KLHL33: variants seen among roughly 807,000 people sequenced by gnomAD.
KLHL33 encodes kelch-like protein 33.
A neutral mutation model predicts 60.8 loss-of-function variants in KLHL33; 46 were observed. The ratio of observed to expected loss-of-function variants is 0.76; its 90% confidence interval spans 0.60 to 0.97. The LOEUF (loss-of-function observed/expected upper bound fraction) is 0.97, where lower values mean the gene tolerates loss of function less well. Ranked by LOEUF, KLHL33 falls within the 50% of genes least tolerant of loss-of-function variation. KLHL33 has a pLI of 0.00. For missense variants in KLHL33, 1,055 were observed against 1,000.0 expected (o/e 1.05, Z -0.74); for synonymous variants, 434 against 432.2 (o/e 1.00, Z -0.05).
At position 20,430,681 on chromosome 14, in the gene KLHL33, C is replaced by G. The variant is rs373107016; in HGVS notation, c.787G>C (p.Gly263Arg). 2.0e-6 allele frequency: 3 copies of G among 1,532,380 alleles called. No homozygotes were observed. The highest frequency in any genetic ancestry group is 2.6e-6 in the Non-Finnish European group (3 of 1,145,098). 94.9% of individuals were successfully genotyped at this position (1,532,380 alleles called of 1,614,324 possible). ...CTCATCCCGCTCAGGAGCATGGCCC[C>G]AAAGAACTCACTGCCACAGGCCAGG... ...AALACGSEFFGAMLLSGMRES... is the reference protein window; with the variant it reads ...AALACGSEFFRAMLLSGMRES... The change falls in exon 3 of 5, where the codon GGG becomes CGG. Residue 263 changes from glycine to arginine, a missense_variant. Transcript: ENST00000636854.
At chr14:20,431,556 C>T (rs981381062) in intron 2 of KLHL33, among the ~76,000 whole-genome samples, 1 of 152,130 alleles carries the variant, frequency 6.6e-6, no homozygotes, top group Non-Finnish European at 1.5e-5. Context: ...GGTGAAACTC[C>T]ATCTCTACCA....
rs778788630 is a variant in KLHL33, at chr14:20,430,706, G to A, written c.762C>T (p.Ala254=). The A allele has an allele frequency of 1.3e-6, 2 of 1,521,260 alleles. No homozygotes were observed. Among genetic ancestry groups the A allele is most frequent in the South Asian group, 1.2e-5 (1 of 81,954 alleles). The allele number at this position is 1,521,260 out of a possible 1,614,324, so 94.2% of individuals were successfully genotyped here. ...CAAAGAACTCACTGCCACAGGCCAG[G>A]GCGGCTCGGTGCACTGCAGGAGGGG... The part of the protein sequence containing the change: ...GGCQLSVHRA[A]LACGSEFFGA... The change falls in exon 3 of 5, where the codon GCC becomes GCT. Residue 254 remains alanine, a synonymous_variant. Coordinates refer to ENST00000636854, the MANE Select transcript of KLHL33 (RefSeq NM_001365790.2).
chr14:20,430,795 C>CTAAGTTTGGCCAAACTCT, intron 2 of KLHL33, 76 bp from the exon 3 acceptor site: 1 of 885,192 alleles, frequency 1.1e-6, no homozygotes, highest in South Asian at 2.2e-5. Flanking sequence ...ACTTGGTACT[C>CTAAGTTTGGCCAAACTCT]TAAGTTTGGC....
At chr14:20,431,318 C>T (rs934443318) in intron 2 of KLHL33, among the ~76,000 whole-genome samples, 2 of 152,174 alleles carry the variant, frequency 1.3e-5, no homozygotes, top group Non-Finnish European at 2.9e-5. Context: ...TAATGTTTTC[C>T]GTGCGTCCCA....
Position 20,426,668 on chromosome 14 carries a change from C to T in KLHL33, c.*2181G>A, listed in dbSNP as rs1314629618. ...AACTAGAAATACCATTTGACCCAGC[C>T]ATCCCATTACTGGGTATATGCCCAA... is the stretch of plus-strand genomic sequence containing the variant. On this transcript the variant is annotated 3_prime_UTR_variant, in exon 5 of 5. Coordinates refer to ENST00000636854, the MANE Select transcript of KLHL33 (RefSeq NM_001365790.2). 1.3e-5 allele frequency: 2 copies of T among 151,998 alleles called. No homozygotes were observed. The highest frequency in any genetic ancestry group is 3.9e-4 in the East Asian group (2 of 5,192). The allele number at this position is 151,998 out of a possible 1,614,324, so 9.4% of individuals were successfully genotyped here.
Position 20,430,191 on chromosome 14 carries a change from A to T in KLHL33, c.1277T>A (p.Val426Asp). 6.4e-7 allele frequency: 1 copy of T among 1,551,544 alleles called. No homozygotes were observed. Among genetic ancestry groups the T allele is most frequent in the Non-Finnish European group, 8.7e-7 (1 of 1,146,998 alleles). ...ESEAKALLRCVRFGRMSTREL... is the reference protein window; with the variant it reads ...ESEAKALLRCDRFGRMSTREL... Reference sequence around the variant, plus strand: ...CCTGGTGGACATGCGGCCAAAGCGGACACATCGCAGCAGGGCCTTGGCCTC... The same window carrying T: ...CCTGGTGGACATGCGGCCAAAGCGGTCACATCGCAGCAGGGCCTTGGCCTC... The change falls in exon 3 of 5, where the codon GTC becomes GAC. Residue 426 changes from valine to aspartate, a missense_variant. Transcript: ENST00000636854.
At chr14:20,430,907 G>A (rs1880493574) in intron 2 of KLHL33, among the ~76,000 whole-genome samples, 188 bp from the exon 3 acceptor site, 1 of 152,180 alleles carries the variant, frequency 6.6e-6, no homozygotes. Context: ...GGTTTCAGCA[G>A]TCCACTCCCA....
At chr14:20,432,553 C>G (rs938818620) in intron 2 of KLHL33, among the ~76,000 whole-genome samples, 2 of 151,462 alleles carry the variant, frequency 1.3e-5, no homozygotes, top group African/African-American at 4.9e-5. Context: ...TTGATTAATT[C>G]CTGGGTTGAA....
rs1286461933 is a variant in KLHL33 at position 20,430,198 on chromosome 14, G to C, written c.1270C>G (p.Arg424Gly). 6.4e-7 allele frequency: 1 copy of C among 1,551,538 alleles called. No homozygotes were observed. The highest frequency in any genetic ancestry group is 2.4e-5 in the East Asian group (1 of 40,906). ...TQESEAKALL[R>G]CVRFGRMSTR... ...GACATGCGGCCAAAGCGGACACATC[G>C]CAGCAGGGCCTTGGCCTCTGACTCC... The change falls in exon 3 of 5, where the codon CGA becomes GGA. Residue 424 changes from arginine to glycine, a missense_variant. Transcript: ENST00000636854.
Position 20,435,116 on chromosome 14 carries a change from T to C in KLHL33, c.696A>G (p.Arg232=). The C allele has an allele frequency of 8.1e-7, 1 of 1,234,420 alleles. No individual in the cohort carries two copies. Among genetic ancestry groups the C allele is most frequent in the Non-Finnish European group, 1.0e-6 (1 of 988,172 alleles). The allele number at this position is 1,234,420 out of a possible 1,614,324, so 76.5% of individuals were successfully genotyped here. Residue 232 remains arginine, a synonymous_variant, in exon 2 of 5, where the codon CGA becomes CGG. Transcript: ENST00000636854. ...GCTTCAAGTCACACCCGACGCCCTCTCGGTAGAGGAGCTCGATTCCGCGCA... is the reference window on the plus strand; with the variant it reads ...GCTTCAAGTCACACCCGACGCCCTCCCGGTAGAGGAGCTCGATTCCGCGCA... The part of the protein sequence containing the change: ...ENLRGIELLY[R]EGVGCDLKLE...
intron 2 of KLHL33, among the ~76,000 whole-genome samples, chr14:20,432,988 G>GAAAGAAAGAAAGAA (rs1566501950): frequency 3.3e-5 from 2 of 60,182 alleles, no homozygotes; most frequent in East Asian, 6.1e-4. Context: ...GAAAGAAAGA[G>GAAAGAAAGAAAGAA]AGAAATTACT....
chr14:20,430,066 G>T lies in KLHL33; in HGVS notation c.1402C>A (p.Arg468=). 1 of 1,551,738 alleles carries T rather than the reference G, an allele frequency of 6.4e-7. No homozygotes were observed. The highest frequency in any genetic ancestry group is 1.2e-5 in the South Asian group (1 of 84,068). ...VEADVPGQER[R]REPDRALVVI... is the part of the protein sequence containing the mutation. ...ACCAGTGCCCGGTCAGGCTCCCTCC[G>T]TCTCTCTTGGCCTGGAACATCAGCC... The change falls in exon 3 of 5, where the codon CGG becomes AGG. Residue 468 remains arginine (R), a synonymous_variant. Coordinates refer to ENST00000636854, the MANE Select transcript of KLHL33 (RefSeq NM_001365790.2).
Position 20,429,778 on chromosome 14 carries a change from C to A in KLHL33, c.1673+17G>T, listed in dbSNP as rs375583292. The A allele has an allele frequency of 5.1e-4, 778 of 1,524,628 alleles. 2 individuals carry two copies. The African/African-American group carries it at 9.6e-3, about 19-fold the overall frequency. The allele number at this position is 1,524,628 out of a possible 1,614,324, so 94.4% of individuals were successfully genotyped here. A position where few individuals can be genotyped will look rare whatever the true frequency, so the allele number is the denominator to read the frequency against. On this transcript the variant is annotated intron_variant, in intron 3 of 4. Transcript: ENST00000636854. ...CTTAGGGCCTGCCACACCCTGCCCA[C>A]TCCTAGAAGCTTATACCTGAGAGTT...
rs2139263278 is a variant in KLHL33, at chr14:20,429,035, G to A, written c.2208C>T (p.Gly736=). 1 of 1,551,712 alleles carries A rather than the reference G, an allele frequency of 6.4e-7. No individual in the cohort carries two copies. Among genetic ancestry groups the A allele is most frequent in the Non-Finnish European group, 8.7e-7 (1 of 1,146,982 alleles). ...AGAGGGCATAAGTACGGTGACTGTA[G>A]CCCCCGAGCACCAGTAGCTCCCCCT... ...VLQGELLVLG[G]YSHRTYALSH... is the part of the protein sequence containing the mutation. The change falls in exon 5 of 5, where the codon GGC becomes GGT. Residue 736 remains glycine, a synonymous_variant. Transcript: ENST00000636854.
intron 2 of KLHL33, among the ~76,000 whole-genome samples, chr14:20,432,725 C>CA (rs557184557): frequency 1.8e-3 from 271 of 151,994 alleles, no homozygotes; most frequent in African/African-American, 6.3e-3. Flanking sequence ...AGTTCAAGAC[C>CA]AGACCAGCCA....
Position 20,430,570 on chromosome 14 carries a change from C to T in KLHL33, c.898G>A (p.Val300Met), listed in dbSNP as rs1315225517. 1 of 1,539,184 alleles carries T rather than the reference C, an allele frequency of 6.5e-7. No homozygotes were observed. Residue 300 changes from valine (V) to methionine (M), a missense_variant, in exon 3 of 5, where the codon GTG becomes ATG. Coordinates refer to ENST00000636854, the MANE Select transcript of KLHL33 (RefSeq NM_001365790.2). ...AGTAGCCCTGGCCACCTTGCCCGCA[C>T]AACTCCGGAGTAAGCAAAAGAGACG... is the stretch of plus-strand genomic sequence containing the variant. ...LLVSFAYSGV[V>M]RARWPGLLRA...
At position 20,428,850 on chromosome 14, in the gene KLHL33, C is replaced by T. The variant is rs955353681; in HGVS notation, c.2393G>A (p.Ter798=). ...TCCCCATACACTGTTGCTCCCTCTT[C>T]ACCCAGCAGGTTTGGTTTGGTGTGG... ...PTPHQTKPAG[*] The change falls in exon 5 of 5, where the codon TGA becomes TAA. Residue 798 remains the stop codon, a stop_retained_variant. Coordinates refer to ENST00000636854, the MANE Select transcript of KLHL33 (RefSeq NM_001365790.2). The T allele has an allele frequency of 2.6e-6, 4 of 1,548,810 alleles. No homozygotes were observed. The highest frequency in any genetic ancestry group is 2.7e-5 in the African/African-American group (2 of 73,030).
In KLHL33 at chr14:20,435,581, T is replaced by G. The variant is rs764302135; in HGVS notation, c.231A>C (p.Glu77Asp). The G allele has an allele frequency of 7.3e-6, 9 of 1,234,744 alleles. No individual in the cohort carries two copies. Among genetic ancestry groups the G allele is most frequent in the Non-Finnish European group, 3.0e-6 (3 of 988,428 alleles). The allele number at this position is 1,234,744 out of a possible 1,614,324, so 76.5% of individuals were successfully genotyped here. A position where few individuals can be genotyped will look rare whatever the true frequency, so the allele number is the denominator to read the frequency against. Residue 77 changes from glutamate to aspartate, a missense_variant, in exon 2 of 5, where the codon GAA becomes GAC. Physicochemically the swap from Glu to Asp is conservative, Grantham distance 45. Coordinates refer to ENST00000636854, the MANE Select transcript of KLHL33 (RefSeq NM_001365790.2). ...FPALSLEEEE[E>D]EEEDEDAAEP... Reference sequence around the variant, plus strand: ...CTGCCGCATCTTCATCTTCTTCCTCTTCCTCTTCTTCCTCTAGGGACAAGG... The same window carrying G: ...CTGCCGCATCTTCATCTTCTTCCTCGTCCTCTTCTTCCTCTAGGGACAAGG...
chr14:20,432,926 AAAAGAAAGAAAGAAAGAAAG>A (rs59220485), intron 2 of KLHL33, among the ~76,000 whole-genome samples: 57 of 104,744 alleles, frequency 5.4e-4, no homozygotes, highest in South Asian at 1.8e-3. Flanking sequence ...CATCTCAAAA[AAAAGAAAGAAAGAAAGAAAG>A]AAAGAAAGAA....
Sources: gnomAD v4.1 joint callset for allele counts (sites outside exome capture counted in the v4.1 genomes callset) on GRCh38, gnomAD v4.1.1 for gene constraint, MANE v1.5 for transcripts, NCBI Gene and HGNC (gene_info 2026-07-23, HGNC 2026-07-21) for gene names.